AK7: variants seen among roughly 807,000 people sequenced by gnomAD.
AK7 encodes adenylate kinase 7.
A neutral mutation model predicts 96.6 loss-of-function variants in AK7; 78 were observed. That is an observed-to-expected ratio of 0.81 (90% CI 0.67 to 0.97). AK7 has a LOEUF of 0.97. Among genes scored for constraint, AK7 ranks in the 50% least tolerant of loss-of-function variants. The pLI, the probability that AK7 is intolerant of heterozygous loss-of-function variation, is 0.00. For missense variants in AK7, 855 were observed against 887.9 expected, an observed-to-expected ratio of 0.96 and a Z score of 0.47; for synonymous variants, 302 against 317.2, an observed-to-expected ratio of 0.95 and a Z score of 0.51.
intron 14 of AK7, among the ~76,000 whole-genome samples, chr14:96,474,745 C>T (rs989997662): frequency 6.6e-5 from 10 of 152,190 alleles, no homozygotes; most frequent in Non-Finnish European, 1.5e-5. Flanking sequence ...AGGCAATATT[C>T]ACTCATTGCA....
chr14:96,483,152 A>C lies in AK7; in HGVS notation c.1907A>C (p.Glu636Ala), dbSNP rs772035699. Reference protein sequence around the residue: ...AEERLAREAAEEAEREHQEAV... With the variant: ...AEERLAREAAAEAEREHQEAV... ...GAGCGGCTGGCCAGGGAGGCTGCTG[A>C]GGAAGCAGAACGCGAGCACCAGGAG... Residue 636 changes from glutamate (E) to alanine (A), a missense_variant, in exon 16 of 18, where the codon GAG becomes GCG. Glu to Ala is a moderately radical substitution (Grantham distance 107). Transcript: ENST00000267584. 37 of 1,613,818 alleles carry C rather than the reference A, an allele frequency of 2.3e-5. No individual in the cohort carries two copies. The highest frequency in any genetic ancestry group is 3.1e-5 in the Non-Finnish European group (37 of 1,179,958).
At chr14:96,450,584 A>T (rs890571163) in intron 9 of AK7, among the ~76,000 whole-genome samples, 1 of 145,072 alleles carries the variant, frequency 6.9e-6, no homozygotes, top group Non-Finnish European at 1.5e-5. Context: ...AAAAAAAAAT[A>T]GGGTTTTTTG....
chr14:96,486,941 T>G lies in AK7; in HGVS notation c.2018T>G (p.Leu673Arg), dbSNP rs116298211. 4 of 1,614,054 alleles carry G rather than the reference T, an allele frequency of 2.5e-6. No individual in the cohort carries two copies. The highest frequency in any genetic ancestry group is 3.4e-6 in the Non-Finnish European group (4 of 1,179,918). Reference sequence around the variant, plus strand: ...GTGAAAAGAGAAGAAAGAGAATTACTGGAGGCTCAGTCAATTCCCCTGAGA... The same window carrying G: ...GTGAAAAGAGAAGAAAGAGAATTACGGGAGGCTCAGTCAATTCCCCTGAGA... ...EEVKREEREL[L>R]EAQSIPLRNY... Residue 673 changes from leucine (L) to arginine (R), a missense_variant, in exon 17 of 18, where the codon CTG (leucine) becomes CGG (arginine). By Grantham distance (102) the Leu-to-Arg change is moderately radical. Transcript: ENST00000267584.
At chr14:96,438,302 T>C (rs1892762701) in intron 6 of AK7, among the ~76,000 whole-genome samples, 1 of 152,140 alleles carries the variant, frequency 6.6e-6, no homozygotes, top group South Asian at 2.1e-4. Flanking sequence ...GTATTTCAGA[T>C]GTTGAAACAG....
At chr14:96,400,336 G>A (rs1334293074) in intron 2 of AK7, among the ~76,000 whole-genome samples, 8 of 152,108 alleles carry the variant, frequency 5.3e-5, no homozygotes, top group South Asian at 2.1e-4. Context: ...CACCACGCCC[G>A]GCCCAAAACC....
intron 10 of AK7, among the ~76,000 whole-genome samples, chr14:96,454,929 T>TCGAG (rs975537059): frequency 6.6e-6 from 1 of 150,478 alleles, no homozygotes; most frequent in Non-Finnish European, 1.5e-5. Flanking sequence ...CTTTGGGAGG[T>TCGAG]CGAGGCGGGT....
chr14:96,473,612 C>T (rs189048679), intron 14 of AK7, among the ~76,000 whole-genome samples: 57 of 151,840 alleles, frequency 3.8e-4, no homozygotes, highest in African/African-American at 1.2e-3. Context: ...TATTAAAAGA[C>T]ATTCTCAAGC....
intron 5 of AK7, among the ~76,000 whole-genome samples, chr14:96,432,504 T>C (rs1229503887): frequency 1.3e-5 from 2 of 152,194 alleles, no homozygotes; most frequent in East Asian, 3.9e-4. Context: ...CAATTTGGCA[T>C]GTTTTTGCAG....
At chr14:96,480,619 G>C (rs1225497651) in intron 15 of AK7, among the ~76,000 whole-genome samples, 3 of 152,068 alleles carry the variant, frequency 2.0e-5, no homozygotes, top group African/African-American at 4.8e-5. Flanking sequence ...TAGAGAACTA[G>C]GAAAGAATGG....
At chr14:96,406,445 G>A (rs569285261) in intron 3 of AK7, among the ~76,000 whole-genome samples, 24 of 152,224 alleles carry the variant, frequency 1.6e-4, no homozygotes, top group African/African-American at 5.3e-4. Flanking sequence ...AAAGAGGTTC[G>A]AATCATCAAG....
intron 6 of AK7, among the ~76,000 whole-genome samples, chr14:96,439,385 T>C (rs889396440): frequency 1.3e-5 from 2 of 151,872 alleles, no homozygotes; most frequent in Non-Finnish European, 2.9e-5. Flanking sequence ...TTAAAAAAAA[T>C]ATTTTTGGCC....
At chr14:96,402,131 G>A (rs1051782560) in intron 2 of AK7, among the ~76,000 whole-genome samples, 1 of 151,434 alleles carries the variant, frequency 6.6e-6, no homozygotes, top group South Asian at 2.1e-4. Flanking sequence ...GTCTACATTA[G>A]ACCATAATTA....
chr14:96,456,655 T>C, intron 11 of AK7, 180 bp downstream of exon 11: 3 of 601,186 alleles, frequency 5.0e-6, no homozygotes, highest in East Asian at 3.5e-5. Flanking sequence ...CTCTTCCCCC[T>C]CAGGCCTGAG....
chr14:96,446,541 C>T lies in AK7; in HGVS notation c.804C>T (p.His268=), dbSNP rs914695788. The change falls in exon 8 of 18, where the codon CAC becomes CAT. Residue 268 remains histidine (H), a synonymous_variant. Transcript: ENST00000267584. The stretch of plus-strand genomic sequence containing the variant: ...GAGTGATACAAAACGTCATAGATCA[C>T]GTGCCAAAGCCTCACTACCTGGTTG... The part of the protein sequence containing the change: ...LAGVIQNVID[H]VPKPHYLVAV... 22 of 1,614,094 alleles carry T rather than the reference C, an allele frequency of 1.4e-5. No individual in the cohort carries two copies. Among genetic ancestry groups the T allele is most frequent in the East Asian group, 1.1e-4 (5 of 44,880 alleles).
Position 96,420,948 on chromosome 14 carries a change from T to C in AK7, c.609+16T>C. The stretch of plus-strand genomic sequence containing the variant: ...TGGAAAAAAGGTAAGTCTGGCATAG[T>C]GGAACATGGACATCATCTGAAGTCT... On this transcript the variant is annotated intron_variant, in intron 5 of 17. Transcript: ENST00000267584. The C allele has an allele frequency of 2.0e-6, 3 of 1,499,056 alleles. No homozygotes were observed. The highest frequency in any genetic ancestry group is 2.8e-6 in the Non-Finnish European group (3 of 1,077,526). The allele number at this position is 1,499,056 out of a possible 1,614,324, so 92.9% of individuals were successfully genotyped here.
chr14:96,457,054 CT>C (rs35838636), intron 11 of AK7: 1,708 of 86,660 alleles, frequency 0.02, 1 homozygote, highest in Middle Eastern at 0.03. Flanking sequence ...TGTAAAATGG[CT>C]TTTTTTTTTT....
Position 96,408,891 on chromosome 14 carries a change from A to G in AK7, c.448A>G (p.Ile150Val). The G allele has an allele frequency of 1.2e-6, 2 of 1,614,210 alleles. No individual in the cohort carries two copies. Among genetic ancestry groups the G allele is most frequent in the South Asian group, 1.1e-5 (1 of 91,088 alleles). The change falls in exon 4 of 18, where the codon ATT becomes GTT. Residue 150 changes from isoleucine (I) to valine (V), a missense_variant. Coordinates refer to ENST00000267584, the MANE Select transcript of AK7 (RefSeq NM_152327.5). ...VSHFEKRKLFILLSTVMTWAR... is the reference protein window; with the variant it reads ...VSHFEKRKLFVLLSTVMTWAR... ...CCACTTTGAAAAGCGAAAGCTATTT[A>G]TTTTACTGTCGACGGTGATGACTTG...
chr14:96,466,385 C>T (rs1366744897), intron 12 of AK7, among the ~76,000 whole-genome samples: 1 of 151,848 alleles, frequency 6.6e-6, no homozygotes, highest in Non-Finnish European at 1.5e-5. Context: ...TACAGGCGCC[C>T]GCCACCACGC....
chr14:96,430,422 TC>T (rs1159763603), intron 5 of AK7, among the ~76,000 whole-genome samples: 1 of 152,056 alleles, frequency 6.6e-6, no homozygotes, highest in Non-Finnish European at 1.5e-5. Flanking sequence ...TCTCCTGACC[TC>T]GTGATCCGCC....
Sources: allele counts gnomAD v4.1 joint callset (sites outside exome capture counted in the v4.1 genomes callset), GRCh38; gene constraint gnomAD v4.1.1; transcripts MANE v1.5; gene names NCBI Gene and HGNC (gene_info 2026-07-23, HGNC 2026-07-21).